The following SEMA5B variants were observed in gnomAD, a reference collection of about 807,000 sequenced individuals.
The protein encoded by SEMA5B is semaphorin-5B.
In SEMA5B, 66 loss-of-function variants were observed where a neutral mutation model predicts 135.0. That is an observed-to-expected ratio of 0.49 (90% CI 0.40 to 0.60). The LOEUF (loss-of-function observed/expected upper bound fraction) is 0.60. Among genes scored for constraint, SEMA5B ranks in the 20% least tolerant of loss-of-function variants. The probability of loss-of-function intolerance (pLI) is 0.00; values close to 1 mark genes in which losing one functional copy is unlikely to be tolerated. For synonymous variants in SEMA5B, 690 were observed against 639.5 expected (o/e 1.08, Z -1.19); for missense variants, 1,501 against 1,566.3 (o/e 0.96, Z 0.70).
chr3:122,915,647 C>A (rs757846801), intron 13 of SEMA5B, 26 bp from the exon 14 acceptor site: 47 of 1,601,008 alleles, frequency 2.9e-5, no homozygotes, highest in Non-Finnish European at 3.9e-5. Context: ...GGAGACAGTA[C>A]CCCTATTACC....
chr3:122,959,728 T>C (rs1284071309), intron 2 of SEMA5B, among the ~76,000 whole-genome samples: 1 of 152,214 alleles, frequency 6.6e-6, no homozygotes, highest in Non-Finnish European at 1.5e-5. Context: ...ACCAGAGCCC[T>C]GCCTCATAGA....
At chr3:122,986,597 G>GTGTGTGTA (rs1941704001) in intron 1 of SEMA5B, among the ~76,000 whole-genome samples, 1 of 146,146 alleles carries the variant, frequency 6.8e-6, no homozygotes, top group Non-Finnish European at 1.5e-5. Flanking sequence ...GCATATTTGT[G>GTGTGTGTA]TGTGTGTGTG....
chr3:122,927,503 T>A (rs1259099470), intron 8 of SEMA5B, among the ~76,000 whole-genome samples: 1 of 152,250 alleles, frequency 6.6e-6, no homozygotes, highest in Non-Finnish European at 1.5e-5. Flanking sequence ...CCGTAATTTT[T>A]TCTTATCCAT....
chr3:122,910,586 G>A (rs1937633224), intron 22 of SEMA5B, among the ~76,000 whole-genome samples: 1 of 152,044 alleles, frequency 6.6e-6, no homozygotes, highest in African/African-American at 2.4e-5. Context: ...GAGGCGGGCG[G>A]ATCACGAGGT....
chr3:122,957,025 G>A (rs1027956737), intron 2 of SEMA5B, among the ~76,000 whole-genome samples: 8 of 152,196 alleles, frequency 5.3e-5, no homozygotes, highest in African/African-American at 4.8e-5. Flanking sequence ...CCTATCCTTG[G>A]ACAATCTGGA....
intron 3 of SEMA5B, among the ~76,000 whole-genome samples, chr3:122,945,730 T>C (rs1426215277): frequency 2.0e-5 from 3 of 150,762 alleles, no homozygotes; most frequent in South Asian, 4.2e-4. Flanking sequence ...CAGTAGATAC[T>C]CCATCTGGGG....
chr3:122,961,283 C>T lies in SEMA5B; in HGVS notation c.-20G>A. 6.2e-7 allele frequency: 1 copy of T among 1,613,736 alleles called. No individual in the cohort carries two copies. The highest frequency in any genetic ancestry group is 8.5e-7 in the Non-Finnish European group (1 of 1,179,790). On this transcript the variant is annotated 5_prime_UTR_variant, in exon 2 of 23. Coordinates refer to ENST00000357599, the MANE Select transcript of SEMA5B (RefSeq NM_001031702.4). The stretch of plus-strand genomic sequence containing the variant: ...GGGCATCCAAGAGACACAGGCCAGG[C>T]ACCAGCTGGAACCACTCACTGAAGG...
At chr3:122,911,173 A>G in intron 21 of SEMA5B, 128 bp from the exon 22 acceptor site, 2 of 1,028,158 alleles carry the variant, frequency 1.9e-6, no homozygotes, top group Non-Finnish European at 2.8e-6. Context: ...CTGAGGCCAC[A>G]GCCAAAGGAA....
intron 1 of SEMA5B, among the ~76,000 whole-genome samples, chr3:122,973,980 G>A (rs1049774638): frequency 1.3e-5 from 2 of 152,188 alleles, no homozygotes; most frequent in African/African-American, 4.8e-5. Context: ...AGCTCAGCAG[G>A]GCACAGCCTC....
At chr3:122,967,676 G>A (rs1289387783) in intron 1 of SEMA5B, among the ~76,000 whole-genome samples, 1 of 152,218 alleles carries the variant, frequency 6.6e-6, no homozygotes, top group Non-Finnish European at 1.5e-5. Flanking sequence ...ATGAGATCGT[G>A]GGATCATGTA....
Position 122,910,047 on chromosome 3 carries a change from G to C in SEMA5B, c.*96C>G. The C allele has an allele frequency of 1.5e-6, 2 of 1,347,518 alleles. No homozygotes were observed. Among genetic ancestry groups the C allele is most frequent in the Non-Finnish European group, 2.0e-6 (2 of 981,304 alleles). The allele number at this position is 1,347,518 out of a possible 1,614,324, so 83.5% of individuals were successfully genotyped here. A position where few individuals can be genotyped will look rare whatever the true frequency, so the allele number is the denominator to read the frequency against. ...GGCAAGGCAGCAAGTTCTTGGCCTA[G>C]TGCAGAGGGAGAAAACCAAACTGGC... On this transcript the variant is annotated 3_prime_UTR_variant, in exon 23 of 23. Coordinates refer to ENST00000357599, the MANE Select transcript of SEMA5B (RefSeq NM_001031702.4).
At chr3:122,962,161 G>A (rs975278808) in intron 1 of SEMA5B, among the ~76,000 whole-genome samples, 1 of 152,184 alleles carries the variant, frequency 6.6e-6, no homozygotes, top group Non-Finnish European at 1.5e-5. Context: ...ACAGGTTCTA[G>A]GGATTAGGAC....
At chr3:122,957,689 C>T (rs1560362928) in intron 2 of SEMA5B, among the ~76,000 whole-genome samples, 1 of 152,212 alleles carries the variant, frequency 6.6e-6, no homozygotes, top group African/African-American at 2.4e-5. Context: ...TGCAAGAAGG[C>T]CAAGAGGTGC....
In SEMA5B at chr3:122,915,791, C is replaced by G. The variant is rs1655332878; in HGVS notation, c.1788G>C (p.Gln596His). ...EDSSNMSLWT[Q>H]NITACPVRNV... ...TTCTCACAGGACAGGCGGTGATGTT[C>G]TGGGTCCAGAGGCTCATGTTGGAGC... is the stretch of plus-strand genomic sequence containing the variant. Residue 596 changes from glutamine to histidine, a missense_variant, in exon 13 of 23, where the codon CAG becomes CAC. Physicochemically the swap from Gln to His is conservative, Grantham distance 24 (BLOSUM62 0). Around this residue, in one of 2 missense-constraint regions of SEMA5B, gnomAD observed 927 missense variants for 881.6 expected, o/e 1.05. Coordinates refer to ENST00000357599, the MANE Select transcript of SEMA5B (RefSeq NM_001031702.4). The G allele has an allele frequency of 6.2e-7, 1 of 1,614,100 alleles. No individual in the cohort carries two copies. The highest frequency in any genetic ancestry group is 1.1e-5 in the South Asian group (1 of 91,076).
chr3:123,021,238 T>C (rs150572253), intron 1 of SEMA5B, among the ~76,000 whole-genome samples: 28 of 152,330 alleles, frequency 1.8e-4, no homozygotes, highest in South Asian at 4.1e-4. Context: ...TCTTCTGTCC[T>C]GCTTTCGGGC....
At chr3:122,964,032 C>T (rs890594095) in intron 1 of SEMA5B, among the ~76,000 whole-genome samples, 2 of 152,166 alleles carry the variant, frequency 1.3e-5, no homozygotes, top group East Asian at 1.9e-4. Flanking sequence ...CCTTCTCTTC[C>T]GGACTCCAGA....
At chr3:122,928,964 G>C in intron 6 of SEMA5B, 32 bp downstream of exon 6, 1 of 1,609,186 alleles carries the variant, frequency 6.2e-7, no homozygotes, top group Non-Finnish European at 8.5e-7. Context: ...TCCAGCTCCA[G>C]GTGGGGCCCC....
intron 3 of SEMA5B, among the ~76,000 whole-genome samples, chr3:122,946,351 T>C (rs1253094275): frequency 1.3e-5 from 2 of 152,090 alleles, no homozygotes; most frequent in East Asian, 3.9e-4. Flanking sequence ...TGGCAGCTCC[T>C]CTAGGGTATT....
In SEMA5B at chr3:122,915,763, G is replaced by A. The variant is rs541479004; in HGVS notation, c.1806+10C>T. ...GGGTCTGAGATGGGAGGACACAAGGGGATTCTCACAGGACAGGCGGTGATG... is the reference window on the plus strand; with the variant it reads ...GGGTCTGAGATGGGAGGACACAAGGAGATTCTCACAGGACAGGCGGTGATG... On this transcript the variant is annotated intron_variant, in intron 13 of 22. Coordinates refer to ENST00000357599, the MANE Select transcript of SEMA5B (RefSeq NM_001031702.4). 45 of 1,612,888 alleles carry A rather than the reference G, an allele frequency of 2.8e-5. No homozygotes were observed. In the South Asian group the frequency reaches 4.8e-4, roughly 17 times the overall value.
Sources: gnomAD v4.1 joint callset for allele counts (sites outside exome capture counted in the v4.1 genomes callset) on GRCh38, gnomAD v4.1.1 for gene constraint, gnomAD v4.1.1 regional missense constraint, MANE v1.5 for transcripts, NCBI Gene and HGNC (gene_info 2026-07-23, HGNC 2026-07-21) for gene names.